TMEM132D: variants seen among roughly 807,000 people sequenced by gnomAD.
TMEM132D encodes the protein mature OL transmembrane protein.
TMEM132D carries 21 observed loss-of-function variants against 62.3 expected under a neutral mutation model. The observed-to-expected ratio is 0.34, with a 90% CI of 0.24 to 0.49. TMEM132D has a LOEUF of 0.49. Among genes scored for constraint, TMEM132D ranks in the 20% least tolerant of loss-of-function variants. The pLI is 0.99. For missense variants in TMEM132D, 1,346 were observed against 1,402.8 expected (o/e 0.96, Z 0.65); for synonymous variants, 621 against 575.6 (o/e 1.08, Z -1.13).
intron 2 of TMEM132D, among the ~76,000 whole-genome samples, chr12:129,610,014 A>G (rs1878726912): frequency 6.6e-6 from 1 of 152,214 alleles, no homozygotes; most frequent in Non-Finnish European, 1.5e-5. Flanking sequence ...TCACACTTGT[A>G]ATCCCAACGC....
At chr12:129,661,120 T>C (rs1344466593) in intron 2 of TMEM132D, among the ~76,000 whole-genome samples, 1 of 152,184 alleles carries the variant, frequency 6.6e-6, no homozygotes, top group African/African-American at 2.4e-5. Context: ...GCAGCTGTGC[T>C]GGGCTAACGG....
At position 129,701,179 on chromosome 12, in the gene TMEM132D, C is replaced by G. The variant is rs1881377237; in HGVS notation, c.80-481G>C. ...GATTGATGCCACGTCCACATTCCAC[C>G]TGATACATATTCCTTTGTGTTCCAC... On this transcript the variant is annotated intron_variant, in intron 1 of 8. Coordinates refer to ENST00000422113, the MANE Select transcript of TMEM132D (RefSeq NM_133448.3). Among the ~76,000 whole-genome samples the G allele has an allele frequency of 2.0e-5, 3 of 152,188 alleles. No homozygotes were observed. In the South Asian group the frequency reaches 6.2e-4, roughly 32 times the overall value.
intron 1 of TMEM132D, among the ~76,000 whole-genome samples, chr12:129,791,625 TC>T (rs1259306139): frequency 6.6e-6 from 1 of 151,994 alleles, no homozygotes; most frequent in East Asian, 1.9e-4. Context: ...ATCACAAACA[TC>T]CTACTGCTTG....
chr12:129,589,007 C>G (rs1425101864), intron 2 of TMEM132D, among the ~76,000 whole-genome samples: 1 of 151,964 alleles, frequency 6.6e-6, no homozygotes, highest in East Asian at 1.9e-4. Flanking sequence ...GTTCGAATGG[C>G]TTGGAAGCAC....
chr12:129,207,187 A>C (rs1878874899), intron 5 of TMEM132D, among the ~76,000 whole-genome samples: 2 of 151,266 alleles, frequency 1.3e-5, no homozygotes, highest in African/African-American at 4.9e-5. Flanking sequence ...GCAGCAAACA[A>C]AGTGGACCCA....
At chr12:129,588,075 G>T (rs972582923) in intron 2 of TMEM132D, among the ~76,000 whole-genome samples, 8 of 152,118 alleles carry the variant, frequency 5.3e-5, no homozygotes, top group Admixed American at 5.2e-4. Flanking sequence ...CAGACAACTT[G>T]CCTTATTAGT....
At chr12:129,800,112 T>C (rs1871717902) in intron 1 of TMEM132D, among the ~76,000 whole-genome samples, 1 of 152,222 alleles carries the variant, frequency 6.6e-6, no homozygotes, top group Non-Finnish European at 1.5e-5. Flanking sequence ...TCCCCTGCCA[T>C]GACTGAATTT....
chr12:129,734,680 T>C (rs1042559543), intron 1 of TMEM132D, among the ~76,000 whole-genome samples: 1 of 152,154 alleles, frequency 6.6e-6, no homozygotes, highest in African/African-American at 2.4e-5. Flanking sequence ...AATGGAAAGT[T>C]TGTTTAATTA....
chr12:129,509,764 A>T (rs1875443316), intron 3 of TMEM132D, among the ~76,000 whole-genome samples: 1 of 152,096 alleles, frequency 6.6e-6, no homozygotes, highest in Non-Finnish European at 1.5e-5. Flanking sequence ...TAACACAATA[A>T]TCTCTAGTTC....
At chr12:129,829,651 A>G (rs996578678) in intron 1 of TMEM132D, among the ~76,000 whole-genome samples, 3 of 152,128 alleles carry the variant, frequency 2.0e-5, no homozygotes, top group Admixed American at 6.6e-5. Context: ...TCTGCCAGGA[A>G]ATGCCAGGAC....
intron 3 of TMEM132D, among the ~76,000 whole-genome samples, chr12:129,498,462 C>T (rs376856396): frequency 4.6e-5 from 7 of 152,146 alleles, no homozygotes; most frequent in African/African-American, 1.7e-4. Flanking sequence ...TCATGTTGGC[C>T]AGGCTGGTCT....
chr12:129,166,776 C>CATAT (rs59414458), intron 5 of TMEM132D, among the ~76,000 whole-genome samples: 1 of 95,416 alleles, frequency 1.0e-5, no homozygotes, highest in African/African-American at 3.1e-5. Context: ...TATATATATA[C>CATAT]ATATATATAT....
At chr12:129,890,980 G>A (rs1874905077) in intron 1 of TMEM132D, among the ~76,000 whole-genome samples, 1 of 152,104 alleles carries the variant, frequency 6.6e-6, no homozygotes, top group South Asian at 2.1e-4. Flanking sequence ...GGAGGTCACC[G>A]AATCAGGGAA....
At chr12:129,849,945 A>G (rs1873488145) in intron 1 of TMEM132D, among the ~76,000 whole-genome samples, 1 of 152,184 alleles carries the variant, frequency 6.6e-6, no homozygotes, top group African/African-American at 2.4e-5. Context: ...GTCTTGTCAA[A>G]TGGATGGGGA....
In TMEM132D at chr12:129,190,082, A is replaced by AAGGGAGTCTCAGGCCTGCAGATGGAGGG. The variant is rs1565992249; in HGVS notation, c.1443+19437_1443+19438insCCCTCCATCTGCAGGCCTGAGACTCCCT. Among the ~76,000 whole-genome samples the AAGGGAGTCTCAGGCCTGCAGATGGAGGG allele has an allele frequency of 1.5e-4, 19 of 125,834 alleles. 2 individuals are homozygous for AAGGGAGTCTCAGGCCTGCAGATGGAGGG. Among genetic ancestry groups the AAGGGAGTCTCAGGCCTGCAGATGGAGGG allele is most frequent in the African/African-American group, 3.3e-4 (11 of 33,504 alleles). The allele number at this position is 125,834 out of a possible 152,430, so 82.6% of individuals were successfully genotyped here. On this transcript the variant is annotated intron_variant, in intron 5 of 8. Transcript: ENST00000422113. ...TCTTGGGACGGCCTGCAGATGGAGG[A>AAGGGAGTCTCAGGCCTGCAGATGGAGGG]AGGGAGTCTCAGGCTTGCAGATGGA...
At chr12:129,836,832 A>G (rs150460356) in intron 1 of TMEM132D, among the ~76,000 whole-genome samples, 124 of 152,318 alleles carry the variant, frequency 8.1e-4, no homozygotes, top group African/African-American at 2.9e-3. Flanking sequence ...ATTATTGTAC[A>G]GTACTTATAT....
intron 1 of TMEM132D, among the ~76,000 whole-genome samples, chr12:129,829,019 A>G (rs896350021): frequency 6.6e-6 from 1 of 151,910 alleles, no homozygotes; most frequent in African/African-American, 2.4e-5. Context: ...CTCCAACACC[A>G]CTGTGCTTCT....
chr12:129,589,291 G>T lies in TMEM132D; in HGVS notation c.969-58086C>A, dbSNP rs117096895. 4.3e-3 allele frequency among the ~76,000 whole-genome samples: 651 copies of T among 152,200 alleles called. 26 individuals carry two copies. The South Asian group carries it at 0.1, about 24-fold the overall frequency. On this transcript the variant is annotated intron_variant, in intron 2 of 8. Transcript: ENST00000422113. ...TTTCAGTTGGCTCTCATTCTCCGTT[G>T]TCTGCTACCATGTAAGACATGCCTT... is the stretch of plus-strand genomic sequence containing the variant.
chr12:129,100,523 G>A (rs1409392048), intron 5 of TMEM132D, among the ~76,000 whole-genome samples: 1 of 152,218 alleles, frequency 6.6e-6, no homozygotes, highest in African/African-American at 2.4e-5. Flanking sequence ...GCTGAGGATG[G>A]CAGTGAATGT....
Sources: gnomAD v4.1 joint callset for allele counts (sites outside exome capture counted in the v4.1 genomes callset) on GRCh38, gnomAD v4.1.1 for gene constraint, MANE v1.5 for transcripts, NCBI Gene and HGNC (gene_info 2026-07-23, HGNC 2026-07-21) for gene names.